The following MYOM3 variants were observed in gnomAD, a reference collection of about 807,000 sequenced individuals.
MYOM3 encodes myomesin-3.
MYOM3 carries 155 observed loss-of-function variants against 191.7 expected under a neutral mutation model. The observed-to-expected ratio is 0.81, with a 90% CI of 0.71 to 0.92. The LOEUF (loss-of-function observed/expected upper bound fraction) is 0.92. Ranked by LOEUF, MYOM3 falls within the 40% of genes least tolerant of loss-of-function variation. The pLI, the probability that MYOM3 is intolerant of heterozygous loss-of-function variation, is 0.00. For missense variants in MYOM3, 1,889 were observed against 1,890.6 expected (o/e 1.00, Z 0.02); for synonymous variants, 757 against 762.9 (o/e 0.99, Z 0.13).
chr1:24,107,783 C>T (rs76845551), intron 3 of MYOM3, among the ~76,000 whole-genome samples: 1,968 of 152,340 alleles, frequency 0.013, 43 homozygotes, highest in African/African-American at 0.045. Flanking sequence ...AACAGTCCCC[C>T]GCTATGACAC....
chr1:24,098,129 G>A (rs987939016), intron 6 of MYOM3, 118 bp from the exon 7 acceptor site: 21 of 716,294 alleles, frequency 2.9e-5, no homozygotes, highest in South Asian at 1.3e-4. Context: ...GCCAGGAAGA[G>A]ACTTTGGTCA....
At position 24,092,237 on chromosome 1, in the gene MYOM3, A is replaced by G; in HGVS notation, c.1169T>C (p.Ile390Thr). The change falls in exon 11 of 37, where the codon ATC (isoleucine) becomes ACC (threonine). Residue 390 changes from isoleucine (I) to threonine (T), a missense_variant. Physicochemically the swap from Ile to Thr is moderately conservative, Grantham distance 89 (BLOSUM62 -1). Coordinates refer to ENST00000374434, the MANE Select transcript of MYOM3 (RefSeq NM_152372.4). ...RCLDVNRDCL[I>T]LTWAPPSDTR... ...GTCACTGGGCGGGGCCCAAGTCAGG[A>G]TGAGGCAGTCTCTGTTCACATCCAG... 2.1e-6 allele frequency: 3 copies of G among 1,435,338 alleles called. No homozygotes were observed. The highest frequency in any genetic ancestry group is 1.6e-5 in the South Asian group (1 of 64,238). 88.9% of individuals were successfully genotyped at this position (1,435,338 alleles called of 1,614,324 possible).
chr1:24,098,885 G>T (rs1267194183), intron 6 of MYOM3, among the ~76,000 whole-genome samples: 3 of 152,176 alleles, frequency 2.0e-5, no homozygotes, highest in Non-Finnish European at 4.4e-5. Context: ...CAGATAGAGA[G>T]AAATGGCTCA....
Position 24,108,458 on chromosome 1 carries a change from G to A in MYOM3, c.161+18C>T. 6.5e-7 allele frequency: 1 copy of A among 1,537,116 alleles called. No homozygotes were observed. Among genetic ancestry groups the A allele is most frequent in the Non-Finnish European group, 8.8e-7 (1 of 1,139,990 alleles). On this transcript the variant is annotated intron_variant, in intron 2 of 36. Coordinates refer to ENST00000374434, the MANE Select transcript of MYOM3 (RefSeq NM_152372.4). Reference sequence around the variant, plus strand: ...TGGGAACAGGGCAGTGGCTGGGCGGGGACCCTGTGGCTCCCACCTGCTGCG... The same window carrying A: ...TGGGAACAGGGCAGTGGCTGGGCGGAGACCCTGTGGCTCCCACCTGCTGCG...
intron 20 of MYOM3, among the ~76,000 whole-genome samples, chr1:24,077,253 C>G (rs980040285): frequency 6.6e-6 from 1 of 152,198 alleles, no homozygotes; most frequent in Non-Finnish European, 1.5e-5. Flanking sequence ...GGACTCTTCT[C>G]CCCCAGTCTG....
At position 24,057,589 on chromosome 1, in the gene MYOM3, G is replaced by A. The variant is rs766130691; in HGVS notation, c.4089C>T (p.Thr1363=). The change falls in exon 37 of 37, where the codon ACC becomes ACT. Residue 1363 remains threonine (T), a synonymous_variant. Coordinates refer to ENST00000374434, the MANE Select transcript of MYOM3 (RefSeq NM_152372.4). ...CLTCIVSGDP[T]PEISWLKNDQ... ...CATTCTTCAGCCAAGAGATTTCAGGGGTGGGGTCTCCTGAGACGATGCAAG... is the reference window on the plus strand; with the variant it reads ...CATTCTTCAGCCAAGAGATTTCAGGAGTGGGGTCTCCTGAGACGATGCAAG... 10 of 1,614,042 alleles carry A rather than the reference G, an allele frequency of 6.2e-6. No individual in the cohort carries two copies. The East Asian group carries it at 1.6e-4, about 25-fold the overall frequency.
In MYOM3 at chr1:24,062,164, A is replaced by G. The variant is rs996200723; in HGVS notation, c.3771-55T>C. On this transcript the variant is annotated intron_variant, in intron 32 of 36. Transcript: ENST00000374434. ...GCTGCCTGTCTGCAGGTCAACAGATACCCGTGCCCCAAAATCCTCTCCTCT... is the reference window on the plus strand; with the variant it reads ...GCTGCCTGTCTGCAGGTCAACAGATGCCCGTGCCCCAAAATCCTCTCCTCT... The G allele has an allele frequency of 2.8e-5, 45 of 1,594,756 alleles. No homozygotes were observed. The African/African-American group carries it at 5.1e-4, about 18-fold the overall frequency.
At chr1:24,060,485 G>A (rs1370902805) in intron 35 of MYOM3, among the ~76,000 whole-genome samples, 8 of 152,168 alleles carry the variant, frequency 5.3e-5, no homozygotes, top group Admixed American at 3.9e-4. Context: ...TCTGCTGCCT[G>A]CCCGGGTCTT....
intron 5 of MYOM3, among the ~76,000 whole-genome samples, chr1:24,103,396 CT>C (rs901157758): frequency 8.5e-5 from 13 of 152,246 alleles, no homozygotes; most frequent in African/African-American, 3.1e-4. Context: ...CCTCAAGATC[CT>C]TTCTTGATTG....
At chr1:24,064,408 G>A (rs1019955922) in intron 29 of MYOM3, 2 of 491,208 alleles carry the variant, frequency 4.1e-6, no homozygotes, top group Non-Finnish European at 7.3e-6. Context: ...GGAGTAGGGG[G>A]AGTTGAGGAC....
At chr1:24,107,372 G>T in intron 3 of MYOM3, 140 bp from the exon 4 acceptor site, 1 of 734,856 alleles carries the variant, frequency 1.4e-6, no homozygotes. Context: ...ATCTTCCCTT[G>T]CCTCCAAAAC....
intron 5 of MYOM3, among the ~76,000 whole-genome samples, chr1:24,103,283 C>T (rs918450452): frequency 7.2e-5 from 11 of 152,212 alleles, no homozygotes; most frequent in African/African-American, 2.4e-4. Context: ...AACTTGCGTG[C>T]GGGGATCGCC....
intron 28 of MYOM3, chr1:24,066,243 CT>C (rs746017020): frequency 4.3e-5 from 31 of 715,946 alleles, no homozygotes; most frequent in South Asian, 2.4e-4. Context: ...TCCAGGAAGC[CT>C]TTTTTTTGAA....
chr1:24,071,863 C>G (rs915133168), intron 24 of MYOM3, 106 bp downstream of exon 24: 2 of 1,173,498 alleles, frequency 1.7e-6, no homozygotes, highest in African/African-American at 3.0e-5. Context: ...CCCTCTGTCC[C>G]TCTGGGGTTG....
rs769394624 is a variant in MYOM3 at position 24,063,478 on chromosome 1, G to A, written c.3661+14C>T. On this transcript the variant is annotated intron_variant, in intron 31 of 36. Coordinates refer to ENST00000374434, the MANE Select transcript of MYOM3 (RefSeq NM_152372.4). This position sits in a 1 kb window ranked among gnomAD's most constrained non-coding sequence, Gnocchi z 4.5. Reference sequence around the variant, plus strand: ...AGGGCAGGGCAGGGCTGGGCAAAGAGGCAGGCTGCTTACCACCAATCCTGC... The same window carrying A: ...AGGGCAGGGCAGGGCTGGGCAAAGAAGCAGGCTGCTTACCACCAATCCTGC... The A allele has an allele frequency of 2.5e-5, 40 of 1,614,140 alleles. No homozygotes were observed. The highest frequency in any genetic ancestry group is 3.3e-5 in the Non-Finnish European group (39 of 1,179,998).
rs144084655 is a variant in MYOM3 at position 24,082,752 on chromosome 1, C to T, written c.1971-38G>A. The T allele has an allele frequency of 1.7e-5, 26 of 1,550,028 alleles. No homozygotes were observed. In the African/African-American group the frequency reaches 3.2e-4, roughly 19 times the overall value. On this transcript the variant is annotated intron_variant, in intron 16 of 36. Coordinates refer to ENST00000374434, the MANE Select transcript of MYOM3 (RefSeq NM_152372.4). The stretch of plus-strand genomic sequence containing the variant: ...TGTGCAGCTTTCATGGATGTACAAA[C>T]AGCCTGGAGACATTCCCAAACTTGC...
At chr1:24,107,450 T>C (rs1643993648) in intron 3 of MYOM3, among the ~76,000 whole-genome samples, 1 of 152,230 alleles carries the variant, frequency 6.6e-6, no homozygotes, top group Non-Finnish European at 1.5e-5. Context: ...TCAAGGCTCT[T>C]TCACAAACCT....
intron 12 of MYOM3, among the ~76,000 whole-genome samples, 193 bp from the exon 13 acceptor site, chr1:24,090,311 T>G (rs2148555360): frequency 6.6e-6 from 1 of 152,314 alleles, no homozygotes; most frequent in East Asian, 1.9e-4. Context: ...CCTGCTGCTC[T>G]CAGGCCCTGG....
intron 19 of MYOM3, among the ~76,000 whole-genome samples, chr1:24,080,583 G>A (rs1176077161): frequency 1.3e-5 from 2 of 152,140 alleles, no homozygotes; most frequent in Non-Finnish European, 2.9e-5. Flanking sequence ...TGGGGACTCT[G>A]GATGAGATAC....
Sources: gnomAD v4.1 joint callset for allele counts (sites outside exome capture counted in the v4.1 genomes callset) on GRCh38, gnomAD v4.1.1 for gene constraint, Gnocchi (gnomAD v3.1) non-coding constraint, MANE v1.5 for transcripts, NCBI Gene and HGNC (gene_info 2026-07-23, HGNC 2026-07-21) for gene names.